The following PIK3C2G variants were observed in gnomAD, a reference collection of about 807,000 sequenced individuals.
PIK3C2G encodes phosphatidylinositol 3-kinase C2 domain-containing subunit gamma.
A neutral mutation model predicts 181.1 loss-of-function variants in PIK3C2G; 168 were observed. That is an observed-to-expected ratio of 0.93 (90% CI 0.82 to 1.05). The LOEUF is 1.05. Ranked by LOEUF, PIK3C2G falls within the 50% of genes least tolerant of loss-of-function variation. The pLI is 0.00. For missense variants in PIK3C2G, 1,869 were observed against 1,732.8 expected, an observed-to-expected ratio of 1.08 and a Z score of -1.40; for synonymous variants, 573 against 592.2, an observed-to-expected ratio of 0.97 and a Z score of 0.47.
At chr12:18,382,323 G>A (rs1942895361) in intron 14 of PIK3C2G, among the ~76,000 whole-genome samples, 1 of 152,062 alleles carries the variant, frequency 6.6e-6, no homozygotes, top group Admixed American at 6.5e-5. Context: ...AAAAAAAACT[G>A]CAAAGTAATT....
intron 13 of PIK3C2G, among the ~76,000 whole-genome samples, chr12:18,378,931 T>C (rs568302921): frequency 1.1e-3 from 165 of 152,270 alleles, no homozygotes; most frequent in African/African-American, 3.9e-3. Flanking sequence ...GTAAACTGGT[T>C]CAACCATTGT....
At chr12:18,291,052 G>A (rs747172274) in intron 4 of PIK3C2G, 40 bp downstream of exon 4, 1 of 1,269,282 alleles carries the variant, frequency 7.9e-7, no homozygotes, top group Non-Finnish European at 1.1e-6. Context: ...TCTATACAAA[G>A]CTGGTATTGG....
intron 17 of PIK3C2G, among the ~76,000 whole-genome samples, chr12:18,423,245 T>A (rs577254733): frequency 2.5e-4 from 38 of 152,084 alleles, no homozygotes; most frequent in Non-Finnish European, 4.7e-4. Context: ...TGGGCATTTT[T>A]ATGAGAACTG....
At chr12:18,668,186 C>A in the PIK3C2G span, among the ~76,000 whole-genome samples, 1 of 152,092 alleles carries the variant, frequency 6.6e-6, no homozygotes, top group African/African-American at 2.4e-5. Context: ...AAAAAAAGTC[C>A]AGTCATACTT....
the PIK3C2G span, among the ~76,000 whole-genome samples, chr12:18,688,759 T>G: frequency 3.5e-3 from 540 of 152,176 alleles, 3 homozygotes; most frequent in African/African-American, 0.013. Flanking sequence ...GCCAAGCTAA[T>G]TGTTGAAGCA....
At chr12:18,688,457 G>T in the PIK3C2G span, among the ~76,000 whole-genome samples, 2 of 151,586 alleles carry the variant, frequency 1.3e-5, no homozygotes, top group Non-Finnish European at 2.9e-5. Flanking sequence ...CACAATTTTT[G>T]ATTTATTAAC....
At chr12:18,488,772 TC>T in intron 19 of PIK3C2G, 143 bp downstream of exon 19, 1 of 502,730 alleles carries the variant, frequency 2.0e-6, no homozygotes, top group Non-Finnish European at 3.3e-6. Flanking sequence ...CAAGTTTTTT[TC>T]CCCACCTACT....
intron 31 of PIK3C2G, among the ~76,000 whole-genome samples, chr12:18,636,167 G>A (rs553571478): frequency 2.0e-5 from 3 of 152,330 alleles, no homozygotes; most frequent in African/African-American, 7.2e-5. Context: ...GGACAGTGAA[G>A]GTGAAGGTGA....
chr12:18,660,660 A>G, the PIK3C2G span, among the ~76,000 whole-genome samples: 1 of 152,162 alleles, frequency 6.6e-6, no homozygotes, highest in East Asian at 1.9e-4. Context: ...TATATCAATT[A>G]AAACAGAACA....
At chr12:18,384,061 A>G (rs538695818) in intron 14 of PIK3C2G, among the ~76,000 whole-genome samples, 69 of 151,434 alleles carry the variant, frequency 4.6e-4, no homozygotes, top group Non-Finnish European at 9.6e-4. Context: ...ACCTCAAGCA[A>G]TCCTCCTGCC....
intron 11 of PIK3C2G, among the ~76,000 whole-genome samples, chr12:18,360,389 C>T (rs1048248917): frequency 1.1e-4 from 16 of 152,126 alleles, no homozygotes; most frequent in African/African-American, 3.1e-4. Context: ...AATGCTACAC[C>T]AGAGTTAAAA....
chr12:18,625,526 C>G (rs2136690728), intron 31 of PIK3C2G, among the ~76,000 whole-genome samples: 1 of 151,828 alleles, frequency 6.6e-6, no homozygotes, highest in South Asian at 2.1e-4. Context: ...CAGATACATC[C>G]ATTGCGTCCT....
chr12:18,359,168 C>T (rs185190333), intron 11 of PIK3C2G, among the ~76,000 whole-genome samples: 2 of 152,240 alleles, frequency 1.3e-5, no homozygotes, highest in East Asian at 3.9e-4. Context: ...TTTGTAATTG[C>T]CCTTTTGATT....
intron 3 of PIK3C2G, among the ~76,000 whole-genome samples, chr12:18,289,537 C>T (rs1446744802): frequency 6.6e-6 from 1 of 152,148 alleles, no homozygotes; most frequent in East Asian, 1.9e-4. Flanking sequence ...TGAAGAGTGG[C>T]CCATGTCCTT....
chr12:18,531,907 G>T (rs978139000), intron 24 of PIK3C2G, among the ~76,000 whole-genome samples: 1 of 152,066 alleles, frequency 6.6e-6, no homozygotes, highest in African/African-American at 2.4e-5. Flanking sequence ...ATAATTTCTG[G>T]GTTGTATGGT....
chr12:18,320,436 T>C (rs1951058110), intron 6 of PIK3C2G, among the ~76,000 whole-genome samples: 1 of 152,222 alleles, frequency 6.6e-6, no homozygotes, highest in African/African-American at 2.4e-5. Context: ...ACTCCTAACA[T>C]TTATACCTAC....
At chr12:18,390,453 T>G (rs560729582) in intron 14 of PIK3C2G, among the ~76,000 whole-genome samples, 35 of 152,294 alleles carry the variant, frequency 2.3e-4, no homozygotes, top group African/African-American at 7.9e-4. Flanking sequence ...AACTGTAATT[T>G]TATTTACTAA....
intron 26 of PIK3C2G, among the ~76,000 whole-genome samples, chr12:18,558,586 A>G (rs1206786390): frequency 3.3e-5 from 5 of 152,148 alleles, no homozygotes; most frequent in Admixed American, 1.3e-4. Context: ...TGTGTCAGCC[A>G]CACTGCTGCT....
chr12:18,368,034 C>T (rs1393386614), intron 12 of PIK3C2G, among the ~76,000 whole-genome samples: 3 of 152,110 alleles, frequency 2.0e-5, no homozygotes, highest in African/African-American at 7.2e-5. Context: ...CATCAGATCT[C>T]TAAGAACTCA....
Sources: gnomAD v4.1 joint callset for allele counts (sites outside exome capture counted in the v4.1 genomes callset) on GRCh38, gnomAD v4.1.1 for gene constraint, MANE v1.5 for transcripts, NCBI Gene and HGNC (gene_info 2026-07-23, HGNC 2026-07-21) for gene names.